The following DMXL2 variants were observed in gnomAD, a reference collection of about 807,000 sequenced individuals.
The protein encoded by DMXL2 is Dmx like 2.
DMXL2 carries 103 observed loss-of-function variants against 331.1 expected under a neutral mutation model. That is an observed-to-expected ratio of 0.31 (90% CI 0.27 to 0.37). The LOEUF (loss-of-function observed/expected upper bound fraction) is 0.37, where lower values mean the gene tolerates loss of function less well. Among genes scored for constraint, DMXL2 ranks in the 10% least tolerant of loss-of-function variants. The pLI is 1.00. For synonymous variants in DMXL2, 1,281 were observed against 1,252.1 expected, an observed-to-expected ratio of 1.02 and a Z score of -0.49; for missense variants, 3,171 against 3,642.9, an observed-to-expected ratio of 0.87 and a Z score of 3.33.
chr15:51,553,992 A>C (rs902044515), intron 6 of DMXL2, among the ~76,000 whole-genome samples: 1 of 152,220 alleles, frequency 6.6e-6, no homozygotes, highest in African/African-American at 2.4e-5. Flanking sequence ...TTAACTGTAC[A>C]TGAGTCAAGG....
At chr15:51,568,331 T>C in intron 3 of DMXL2, 156 bp downstream of exon 3, 1 of 547,974 alleles carries the variant, frequency 1.8e-6, no homozygotes, top group Non-Finnish European at 3.2e-6. Flanking sequence ...GTATCCGTAG[T>C]GAATGTAAGG....
intron 7 of DMXL2, 81 bp from the exon 8 acceptor site, chr15:51,545,847 A>G: frequency 1.6e-6 from 2 of 1,214,808 alleles, no homozygotes. Flanking sequence ...CTTCATGCAT[A>G]AAGATAACAT....
chr15:51,453,595 GTAA>G lies in DMXL2; in HGVS notation c.8648_8650del (p.Ile2883del). On this transcript the variant is annotated inframe_deletion, in exon 41 of 44. Coordinates refer to ENST00000560891, the MANE Select transcript of DMXL2 (RefSeq NM_001378457.1). ...AGATGTGGCAACTAGACTTGAAGAG[GTAA>G]TAAATGCAAAGTCACTTGTGGCTTT... The G allele has an allele frequency of 1.9e-6, 3 of 1,613,720 alleles. No individual in the cohort carries two copies. The highest frequency in any genetic ancestry group is 2.5e-6 in the Non-Finnish European group (3 of 1,179,844).
intron 1 of DMXL2, among the ~76,000 whole-genome samples, chr15:51,580,902 T>C (rs184419397): frequency 2.6e-5 from 4 of 151,388 alleles, no homozygotes; most frequent in Non-Finnish European, 4.4e-5. Flanking sequence ...GCTTTGAACA[T>C]TGAAACTAAA....
chr15:51,573,086 GA>G (rs1283699419), intron 2 of DMXL2, among the ~76,000 whole-genome samples: 2 of 151,478 alleles, frequency 1.3e-5, no homozygotes, highest in Non-Finnish European at 3.0e-5. Context: ...ACAAACATAT[GA>G]AAAAAAATGT....
chr15:51,470,264 C>T (rs1485643351), intron 29 of DMXL2, among the ~76,000 whole-genome samples: 1 of 152,056 alleles, frequency 6.6e-6, no homozygotes, highest in Non-Finnish European at 1.5e-5. Context: ...GCCTTTCAAG[C>T]AGCTAGAACT....
chr15:51,598,921 T>C (rs2053028499), intron 1 of DMXL2, among the ~76,000 whole-genome samples: 1 of 152,246 alleles, frequency 6.6e-6, no homozygotes, highest in Non-Finnish European at 1.5e-5. Context: ...TAAACTTTCA[T>C]CCATTAGTTT....
At chr15:51,549,485 G>A (rs565899347) in intron 6 of DMXL2, among the ~76,000 whole-genome samples, 23 of 152,216 alleles carry the variant, frequency 1.5e-4, no homozygotes, top group African/African-American at 5.5e-4. Context: ...ACCCAGAAGT[G>A]GATAGCTGGA....
intron 15 of DMXL2, 112 bp from the exon 16 acceptor site, chr15:51,507,365 G>A: frequency 9.7e-7 from 1 of 1,029,434 alleles, no homozygotes; most frequent in Non-Finnish European, 1.4e-6. Flanking sequence ...GGGAAGAAAA[G>A]GCAAGAAAGA....
At chr15:51,574,352 T>A (rs948068385) in intron 2 of DMXL2, among the ~76,000 whole-genome samples, 2 of 152,202 alleles carry the variant, frequency 1.3e-5, no homozygotes, top group Admixed American at 1.3e-4. Context: ...CTACAGGGAA[T>A]AGACCAAAAA....
chr15:51,480,582 A>G lies in DMXL2; in HGVS notation c.6524T>C (p.Val2175Ala). 6.4e-7 allele frequency: 1 copy of G among 1,550,918 alleles called. No homozygotes were observed. The highest frequency in any genetic ancestry group is 2.3e-5 in the East Asian group (1 of 44,002). Residue 2175 changes from valine (V) to alanine (A), a missense_variant, in exon 24 of 44, where the codon GTA becomes GCA. Physicochemically the swap from Val to Ala is moderately conservative, Grantham distance 64 (BLOSUM62 0). Transcript: ENST00000560891. The part of the protein sequence containing the change: ...HGAQGGGLAS[V>A]RMELKFLLQE... ...TAGCAAAAATTTGAGTTCCATCCTTACTGAAGCCAAACCACCACCTTGGGC... is the reference window on the plus strand; with the variant it reads ...TAGCAAAAATTTGAGTTCCATCCTTGCTGAAGCCAAACCACCACCTTGGGC...
At chr15:51,616,758 G>A (rs536877304) in intron 1 of DMXL2, among the ~76,000 whole-genome samples, 1 of 152,004 alleles carries the variant, frequency 6.6e-6, no homozygotes, top group Non-Finnish European at 1.5e-5. Context: ...CCAACATCGT[G>A]AAATCCTGTC....
At chr15:51,607,470 G>GA (rs1218005359) in intron 1 of DMXL2, among the ~76,000 whole-genome samples, 4 of 149,154 alleles carry the variant, frequency 2.7e-5, no homozygotes, top group Non-Finnish European at 6.0e-5. Context: ...AAAGAAAAAA[G>GA]AAAAAAAAAG....
At chr15:51,492,459 C>T (rs1407240492) in intron 19 of DMXL2, among the ~76,000 whole-genome samples, 1 of 152,036 alleles carries the variant, frequency 6.6e-6, no homozygotes, top group African/African-American at 2.4e-5. Context: ...AATACTGATG[C>T]TTTTTGGTGA....
At chr15:51,556,355 G>A (rs199568888) in intron 6 of DMXL2, among the ~76,000 whole-genome samples, 16,341 of 113,884 alleles carry the variant, frequency 0.14, 2 homozygotes, top group Non-Finnish European at 0.16. Flanking sequence ...AAAAAAAAAA[G>A]AAAAAAAAAA....
chr15:51,593,288 T>C (rs1025713229), intron 1 of DMXL2, among the ~76,000 whole-genome samples: 8 of 152,142 alleles, frequency 5.3e-5, no homozygotes, highest in Non-Finnish European at 1.0e-4. Flanking sequence ...AAACAGACTT[T>C]AAACCAACAA....
At chr15:51,563,739 T>C (rs1297102239) in intron 5 of DMXL2, among the ~76,000 whole-genome samples, 2 of 152,102 alleles carry the variant, frequency 1.3e-5, no homozygotes, top group African/African-American at 4.8e-5. Context: ...GCTGAGCTTA[T>C]CATCATCCCT....
chr15:51,536,379 C>A lies in DMXL2; in HGVS notation c.2101G>T (p.Gly701Cys). The A allele has an allele frequency of 6.2e-7, 1 of 1,613,432 alleles. No individual in the cohort carries two copies. Among genetic ancestry groups the A allele is most frequent in the Non-Finnish European group, 8.5e-7 (1 of 1,179,764 alleles). Reference protein sequence around the residue: ...RLMDPVKHIKGSSKQPLRNAA... With the variant: ...RLMDPVKHIKCSSKQPLRNAA... ...TTTCTAAGAGGTTGTTTCGAGGAAC[C>A]TTTTATATGTTTTACAGGGTCCATT... The change falls in exon 12 of 44, where the codon GGT (glycine) becomes TGT (cysteine). Residue 701 changes from glycine (G) to cysteine (C), a missense_variant. Physicochemically the swap from Gly to Cys is radical, Grantham distance 159. This residue lies in a region of DMXL2 where 1,674 missense variants were observed against 1,780.2 expected (regional missense o/e 0.94). Coordinates refer to ENST00000560891, the MANE Select transcript of DMXL2 (RefSeq NM_001378457.1).
intron 33 of DMXL2, 61 bp from the exon 34 acceptor site, chr15:51,459,721 A>T: frequency 7.8e-7 from 1 of 1,282,190 alleles, no homozygotes; most frequent in Non-Finnish European, 1.0e-6. Flanking sequence ...TTATAAAGAC[A>T]GTGAAATATT....
Sources: allele counts gnomAD v4.1 joint callset (sites outside exome capture counted in the v4.1 genomes callset), GRCh38; gene constraint gnomAD v4.1.1; regional missense constraint gnomAD v4.1.1; transcripts MANE v1.5; gene names NCBI Gene and HGNC (gene_info 2026-07-23, HGNC 2026-07-21).